The following CDK14 variants were observed in gnomAD, a reference collection of about 807,000 sequenced individuals.
CDK14 encodes the protein cyclin-dependent kinase 14.
In CDK14, 34 loss-of-function variants were observed where a neutral mutation model predicts 60.7. The ratio of observed to expected loss-of-function variants is 0.56; its 90% CI spans 0.43 to 0.75. CDK14 has a LOEUF of 0.75. CDK14 is among the 30% of genes least tolerant of loss of function. CDK14 has a pLI of 0.00. For synonymous variants in CDK14, 197 were observed against 203.7 expected, an observed-to-expected ratio of 0.97 and a Z score of 0.28; for missense variants, 482 against 564.1, an observed-to-expected ratio of 0.85 and a Z score of 1.47.
intron 2 of CDK14, among the ~76,000 whole-genome samples, chr7:90,720,064 A>G (rs1802389761): frequency 6.6e-6 from 1 of 152,194 alleles, no homozygotes; most frequent in South Asian, 2.1e-4. Context: ...GGACTCTTCA[A>G]GAGGAGATTC....
chr7:90,904,610 G>C (rs1177832110), intron 7 of CDK14, among the ~76,000 whole-genome samples: 6 of 151,926 alleles, frequency 3.9e-5, no homozygotes, highest in Admixed American at 3.9e-4. Context: ...AAAAATCAGA[G>C]GTCTAATCTA....
chr7:90,836,583 A>G (rs1302859596), intron 5 of CDK14, among the ~76,000 whole-genome samples: 1 of 152,188 alleles, frequency 6.6e-6, no homozygotes, highest in Non-Finnish European at 1.5e-5. Context: ...GCTGTTTTAC[A>G]GTGATTTTTT....
At chr7:91,123,472 C>T (rs1336908541) in intron 14 of CDK14, among the ~76,000 whole-genome samples, 1 of 152,170 alleles carries the variant, frequency 6.6e-6, no homozygotes, top group African/African-American at 2.4e-5. Context: ...CCATTACCCC[C>T]ACATGACTGC....
At position 90,625,347 on chromosome 7, in the gene CDK14, G is replaced by A. The variant is rs369409407; in HGVS notation, c.123+21098G>A. Among the ~76,000 whole-genome samples, 17 of 151,960 alleles carry A rather than the reference G, an allele frequency of 1.1e-4. 1 individual carries two copies. The highest frequency in any genetic ancestry group is 6.5e-4 in the Admixed American group (10 of 15,272). ...ATAGCGAGACTCTGTCTTTAAAAAA[G>A]GTTATTTTTAAGTGGAATAAGTTAC... On this transcript the variant is annotated intron_variant, in intron 2 of 14. Coordinates refer to ENST00000380050, the MANE Select transcript of CDK14 (RefSeq NM_001287135.2).
At chr7:90,805,261 G>T (rs1045845639) in intron 5 of CDK14, among the ~76,000 whole-genome samples, 2 of 152,004 alleles carry the variant, frequency 1.3e-5, no homozygotes, top group Non-Finnish European at 2.9e-5. Context: ...AGCAAGGGGG[G>T]TATCTTAAAG....
intron 8 of CDK14, among the ~76,000 whole-genome samples, chr7:90,952,976 A>G (rs573633836): frequency 1.3e-5 from 2 of 152,108 alleles, no homozygotes; most frequent in East Asian, 3.8e-4. Flanking sequence ...TTATACTTCA[A>G]AGTCTCTTTC....
chr7:91,010,368 A>G (rs745899212), intron 10 of CDK14, among the ~76,000 whole-genome samples: 12 of 152,102 alleles, frequency 7.9e-5, no homozygotes, highest in Non-Finnish European at 1.6e-4. Context: ...CTGGCATTTT[A>G]GTAATCTTGA....
At chr7:91,003,076 A>AC (rs1381544889) in intron 10 of CDK14, among the ~76,000 whole-genome samples, 1 of 152,204 alleles carries the variant, frequency 6.6e-6, no homozygotes, top group Non-Finnish European at 1.5e-5. Context: ...GTCTCAAAAA[A>AC]CAAAAAACAA....
chr7:91,138,397 G>T (rs1800349385), intron 14 of CDK14, among the ~76,000 whole-genome samples: 1 of 152,056 alleles, frequency 6.6e-6, no homozygotes, highest in African/African-American at 2.4e-5. Context: ...AAAATAAAAA[G>T]GTGAAAAGGG....
chr7:90,863,698 T>TG (rs61201271), intron 6 of CDK14, among the ~76,000 whole-genome samples: 788 of 58,490 alleles, frequency 0.013, 12 homozygotes, highest in African/African-American at 0.04. Flanking sequence ...GTGTGTGTGT[T>TG]TGTGTGTGTG....
chr7:91,041,259 G>A lies in CDK14; in HGVS notation c.1042-4638G>A, dbSNP rs371782770. ...GGCAACTGTATATTTCTGAACAGAG[G>A]GACGTGAGACCATTTTGTAGCTTGC... On this transcript the variant is annotated intron_variant, in intron 10 of 14. Coordinates refer to ENST00000380050, the MANE Select transcript of CDK14 (RefSeq NM_001287135.2). Among the ~76,000 whole-genome samples, 125 of 152,110 alleles carry A rather than the reference G, an allele frequency of 8.2e-4. 1 individual carries two copies. Among genetic ancestry groups the A allele is most frequent in the African/African-American group, 2.8e-3 (118 of 41,490 alleles).
intron 5 of CDK14, among the ~76,000 whole-genome samples, chr7:90,828,455 G>A (rs952358403): frequency 4.6e-5 from 7 of 152,060 alleles, no homozygotes; most frequent in South Asian, 2.1e-4. Context: ...CTTCTGAATC[G>A]GGAGACACCT....
chr7:91,060,228 C>CT (rs373760085), intron 11 of CDK14, among the ~76,000 whole-genome samples: 12,201 of 141,858 alleles, frequency 0.086, 714 homozygotes, highest in African/African-American at 0.17. Flanking sequence ...CAACCCCTGC[C>CT]TTTTTTTTTT....
chr7:91,147,183 C>T (rs1197587869), intron 14 of CDK14, among the ~76,000 whole-genome samples: 1 of 151,192 alleles, frequency 6.6e-6, no homozygotes, highest in Admixed American at 6.6e-5. Context: ...CACACACACA[C>T]ACACACACAC....
intron 8 of CDK14, among the ~76,000 whole-genome samples, chr7:90,952,376 G>A (rs770492427): frequency 6.6e-6 from 1 of 152,092 alleles, no homozygotes; most frequent in Non-Finnish European, 1.5e-5. Flanking sequence ...TGGATAAGAG[G>A]TTAGCTATAA....
chr7:90,846,786 G>A (rs1790483794), intron 5 of CDK14, among the ~76,000 whole-genome samples: 1 of 152,056 alleles, frequency 6.6e-6, no homozygotes. Flanking sequence ...AAAATCACCT[G>A]AATAACCAAA....
chr7:90,791,899 GCTT>G (rs1224799276), intron 5 of CDK14, among the ~76,000 whole-genome samples: 1 of 95,714 alleles, frequency 1.0e-5, no homozygotes, highest in African/African-American at 4.2e-5. Context: ...ACAGGAAAGG[GCTT>G]CTTTTTTTTT....
chr7:90,613,564 G>A (rs566616650), intron 2 of CDK14, among the ~76,000 whole-genome samples: 3 of 151,908 alleles, frequency 2.0e-5, no homozygotes, highest in East Asian at 1.9e-4. Context: ...GCAGGTGCCC[G>A]TAATCCCAGC....
intron 2 of CDK14, among the ~76,000 whole-genome samples, chr7:90,639,648 G>T (rs1252693071): frequency 7.0e-6 from 1 of 143,156 alleles, no homozygotes; most frequent in Non-Finnish European, 1.5e-5. Context: ...GAGAACCACT[G>T]CTCTCCTCAA....
Sources: allele counts gnomAD v4.1 joint callset (sites outside exome capture counted in the v4.1 genomes callset), GRCh38; gene constraint gnomAD v4.1.1; transcripts MANE v1.5; gene names NCBI Gene and HGNC (gene_info 2026-07-23, HGNC 2026-07-21).